Variants in SHOC1 observed in about 807,000 individuals in gnomAD.
SHOC1 encodes the protein shortage in chiasmata 1.
SHOC1 carries 136 observed loss-of-function variants against 179.2 expected under a neutral mutation model. That is an observed-to-expected ratio of 0.76 (90% CI 0.66 to 0.87). The LOEUF (loss-of-function observed/expected upper bound fraction) is 0.87, where lower values mean the gene tolerates loss of function less well. Among genes scored for constraint, SHOC1 ranks in the 40% least tolerant of loss-of-function variants. The probability of loss-of-function intolerance (pLI) is 0.00; values close to 1 mark genes in which losing one functional copy is unlikely to be tolerated. For missense variants in SHOC1, 1,538 were observed against 1,700.8 expected, an observed-to-expected ratio of 0.90 and a Z score of 1.68; for synonymous variants, 489 against 586.6, an observed-to-expected ratio of 0.83 and a Z score of 2.41.
intron 8 of SHOC1, among the ~76,000 whole-genome samples, chr9:111,749,779 GCTTTCTGTTCCTGCATTAGTTTGCTGA>G (rs1170864683): frequency 8.0e-5 from 12 of 150,876 alleles, no homozygotes; most frequent in African/African-American, 2.7e-4. Flanking sequence ...GTGGTGTTTG[GCTTTCTGTTCCTGCATTAGTTTGCTGA>G]GGACAAGGAC....
At chr9:111,702,327 G>A in intron 22 of SHOC1, 101 bp from the exon 23 acceptor site, 1 of 794,116 alleles carries the variant, frequency 1.3e-6, no homozygotes, top group South Asian at 1.7e-5. Context: ...TAAATAAGTT[G>A]AAAAGAGGCA....
At chr9:111,724,943 TTCTGTCCTAGGTATTACAGAGGA>T (rs1391451054) in intron 13 of SHOC1, among the ~76,000 whole-genome samples, 3 of 152,184 alleles carry the variant, frequency 2.0e-5, no homozygotes, top group Non-Finnish European at 4.4e-5. Context: ...TAGTTTTTTT[TTCTGTCCTAGGTATTACAGAGGA>T]TTTCTTCTTT....
chr9:111,696,847 A>T (rs1831720484), intron 24 of SHOC1, among the ~76,000 whole-genome samples: 1 of 152,210 alleles, frequency 6.6e-6, no homozygotes, highest in African/African-American at 2.4e-5. Context: ...TTTGTCATTC[A>T]CTTTAGGTAA....
chr9:111,757,424 C>T (rs1459871874), intron 7 of SHOC1, among the ~76,000 whole-genome samples: 11 of 152,118 alleles, frequency 7.2e-5, no homozygotes, highest in Admixed American at 7.2e-4. Flanking sequence ...TTTAAAGTAG[C>T]TTTGTGAACG....
At chr9:111,736,868 A>G (rs1289350445) in intron 12 of SHOC1, among the ~76,000 whole-genome samples, 1 of 152,196 alleles carries the variant, frequency 6.6e-6, no homozygotes, top group Non-Finnish European at 1.5e-5. Flanking sequence ...CAATTGAACA[A>G]GCAAAAAACC....
chr9:111,725,052 T>G (rs1481031583), intron 13 of SHOC1, among the ~76,000 whole-genome samples: 1 of 152,192 alleles, frequency 6.6e-6, no homozygotes, highest in African/African-American at 2.4e-5. Context: ...TATAGTAGTA[T>G]TATCCATCAG....
intron 2 of SHOC1, among the ~76,000 whole-genome samples, chr9:111,788,581 A>G (rs1422225171): frequency 6.6e-6 from 1 of 152,202 alleles, no homozygotes; most frequent in Non-Finnish European, 1.5e-5. Context: ...TTTCCTACAG[A>G]TATTTTTTCT....
In SHOC1 at chr9:111,717,191, G is replaced by T. The variant is rs192349922; in HGVS notation, c.2236+993C>A. Among the ~76,000 whole-genome samples, 14 of 152,302 alleles carry T rather than the reference G, an allele frequency of 9.2e-5. No individual in the cohort carries two copies. The East Asian group carries it at 2.5e-3, about 27-fold the overall frequency. ...ATATTTATGTCTGGATCATAAATAA[G>T]AGAAAATGTCTGGGTCTTAGATCAG... On this transcript the variant is annotated intron_variant, in intron 16 of 27. Transcript: ENST00000682961.
At chr9:111,729,085 T>A (rs1833443850) in intron 12 of SHOC1, among the ~76,000 whole-genome samples, 1 of 152,178 alleles carries the variant, frequency 6.6e-6, no homozygotes. Context: ...TACTAAGTCA[T>A]AAACTTTTTG....
rs71501690 is a variant in SHOC1, at chr9:111,781,966, C to T, written c.170-949G>A. The stretch of plus-strand genomic sequence containing the variant: ...AAAAAAATACAAGAGTTTAGTGGTA[C>T]TTTGGGAGGCTGAGGCAGGTGGATC... On this transcript the variant is annotated intron_variant, in intron 3 of 27. Transcript: ENST00000682961. Among the ~76,000 whole-genome samples the T allele has an allele frequency of 6.1e-3, 935 of 152,152 alleles. 7 individuals are homozygous for T. Among genetic ancestry groups the T allele is most frequent in the Non-Finnish European group, 0.01 (686 of 68,010 alleles).
chr9:111,717,588 C>A (rs1358993274), intron 16 of SHOC1, among the ~76,000 whole-genome samples: 2 of 140,896 alleles, frequency 1.4e-5, no homozygotes, highest in Non-Finnish European at 3.0e-5. Flanking sequence ...AAGCAAAACT[C>A]TGTCTCAAAA....
intron 5 of SHOC1, among the ~76,000 whole-genome samples, chr9:111,772,889 G>T (rs1350147324): frequency 6.6e-6 from 1 of 152,142 alleles, no homozygotes; most frequent in African/African-American, 2.4e-5. Context: ...AAATAAAGAA[G>T]TCTCCTGCCA....
At chr9:111,790,091 T>C (rs917190989) in intron 2 of SHOC1, among the ~76,000 whole-genome samples, 8 of 152,336 alleles carry the variant, frequency 5.3e-5, no homozygotes, top group African/African-American at 1.9e-4. Flanking sequence ...GTGTCTGGGC[T>C]TGAAATTTAG....
intron 4 of SHOC1, among the ~76,000 whole-genome samples, chr9:111,778,678 G>A (rs1835920330): frequency 6.7e-6 from 1 of 149,308 alleles, no homozygotes; most frequent in African/African-American, 2.5e-5. Context: ...GGCTGAGGCA[G>A]GAGAATCACT....
intron 11 of SHOC1, among the ~76,000 whole-genome samples, chr9:111,739,981 T>C (rs1833964052): frequency 1.3e-5 from 2 of 152,234 alleles, no homozygotes; most frequent in Non-Finnish European, 2.9e-5. Context: ...CTGGGACCAC[T>C]TTAAATTAAA....
chr9:111,736,791 G>A (rs547116111), intron 12 of SHOC1, among the ~76,000 whole-genome samples: 2 of 152,182 alleles, frequency 1.3e-5, no homozygotes, highest in African/African-American at 4.8e-5. Context: ...CTACAGAATG[G>A]GAGAAAATAA....
At chr9:111,739,902 G>GA (rs933511774) in intron 11 of SHOC1, among the ~76,000 whole-genome samples, 2 of 31,596 alleles carry the variant, frequency 6.3e-5, no homozygotes, top group African/African-American at 1.7e-4. Context: ...CATTCTTCCA[G>GA]AAAAAAAATT....
chr9:111,762,311 T>C (rs1835171357), intron 5 of SHOC1, among the ~76,000 whole-genome samples: 1 of 150,786 alleles, frequency 6.6e-6, no homozygotes, highest in Non-Finnish European at 1.5e-5. Context: ...AGCTATGGTC[T>C]CAGCTACTTA....
At chr9:111,741,325 C>A in intron 11 of SHOC1, 151 bp downstream of exon 11, 1 of 527,044 alleles carries the variant, frequency 1.9e-6, no homozygotes, top group East Asian at 3.2e-5. Flanking sequence ...GCATAATGAA[C>A]CTTATGGAAG....
Sources: allele counts gnomAD v4.1 joint callset (sites outside exome capture counted in the v4.1 genomes callset), GRCh38; gene constraint gnomAD v4.1.1; transcripts MANE v1.5; gene names NCBI Gene and HGNC (gene_info 2026-07-23, HGNC 2026-07-21).